WIPF1: variants seen among roughly 807,000 people sequenced by gnomAD.
WIPF1 encodes WAS/WASL interacting protein family member 1.
A neutral mutation model predicts 35.4 loss-of-function variants in WIPF1; 13 were observed. The ratio of observed to expected loss-of-function variants is 0.37; its 90% CI spans 0.24 to 0.58. WIPF1 has a LOEUF of 0.58. Among genes scored for constraint, WIPF1 ranks in the 20% least tolerant of loss-of-function variants. WIPF1 has a pLI of 0.74. For synonymous variants in WIPF1, 267 were observed against 266.3 expected, an observed-to-expected ratio of 1.00 and a Z score of -0.02; for missense variants, 591 against 667.0, an observed-to-expected ratio of 0.89 and a Z score of 1.25.
At chr2:174,634,770 G>C (rs73026180) in intron 1 of WIPF1, among the ~76,000 whole-genome samples, 2,023 of 152,300 alleles carry the variant, frequency 0.013, 60 homozygotes, top group African/African-American at 0.046. Context: ...AGGTAAAGAG[G>C]AGATAAGCCA....
At chr2:174,672,609 A>G (rs1254184970) in intron 1 of WIPF1, among the ~76,000 whole-genome samples, 1 of 152,260 alleles carries the variant, frequency 6.6e-6, no homozygotes, top group Non-Finnish European at 1.5e-5. Context: ...GTAAAATATC[A>G]GGCTTCGGCT....
At chr2:174,647,525 C>A (rs1045766608) in intron 1 of WIPF1, among the ~76,000 whole-genome samples, 1 of 151,970 alleles carries the variant, frequency 6.6e-6, no homozygotes, top group African/African-American at 2.4e-5. Context: ...AGGCGCGTGC[C>A]ACTATGCCTG....
chr2:174,629,204 C>T (rs756714137), intron 1 of WIPF1, among the ~76,000 whole-genome samples: 19 of 152,148 alleles, frequency 1.2e-4, no homozygotes, highest in East Asian at 3.9e-4. Context: ...AGATGGAGTT[C>T]GGCAACATAG....
intron 1 of WIPF1, among the ~76,000 whole-genome samples, chr2:174,659,316 G>A (rs536696045): frequency 6.6e-6 from 1 of 152,238 alleles, no homozygotes; most frequent in South Asian, 2.1e-4. Context: ...TCTGTTTCCT[G>A]TTTCCTGTTT....
chr2:174,651,875 C>T (rs544849506), intron 1 of WIPF1, among the ~76,000 whole-genome samples: 1 of 152,320 alleles, frequency 6.6e-6, no homozygotes, highest in East Asian at 1.9e-4. Context: ...TAGCTGGGGT[C>T]ACTTGATGAA....
chr2:174,642,633 C>T (rs574681523), intron 1 of WIPF1, among the ~76,000 whole-genome samples: 4 of 150,112 alleles, frequency 2.7e-5, no homozygotes, highest in South Asian at 4.2e-4. Context: ...AGGCATGAGC[C>T]GCCGCGCCCG....
At chr2:174,663,970 T>C (rs1284660512) in intron 1 of WIPF1, among the ~76,000 whole-genome samples, 1 of 152,198 alleles carries the variant, frequency 6.6e-6, no homozygotes, top group Non-Finnish European at 1.5e-5. Flanking sequence ...ATAAGGAAAC[T>C]GAGGCCCAAG....
At chr2:174,650,079 C>T (rs1255101072) in intron 1 of WIPF1, among the ~76,000 whole-genome samples, 2 of 152,164 alleles carry the variant, frequency 1.3e-5, no homozygotes, top group African/African-American at 4.8e-5. Context: ...GTTTTGTCAA[C>T]ACTTAAGGCA....
At chr2:174,612,771 T>C (rs773962325) in intron 1 of WIPF1, among the ~76,000 whole-genome samples, 1 of 138,850 alleles carries the variant, frequency 7.2e-6, no homozygotes, top group East Asian at 1.9e-4. Context: ...TGGTTTGTTA[T>C]CTGGATTTAA....
upstream of WIPF1, among the ~76,000 whole-genome samples, chr2:174,599,273 T>C (rs1685916281): frequency 6.6e-6 from 1 of 152,156 alleles, no homozygotes; most frequent in Non-Finnish European, 1.5e-5. Flanking sequence ...ATGGTGCTTA[T>C]GACAGTCCCA....
intron 1 of WIPF1, among the ~76,000 whole-genome samples, chr2:174,645,135 A>C (rs541352222): frequency 6.6e-6 from 1 of 152,344 alleles, no homozygotes; most frequent in South Asian, 2.1e-4. Context: ...GTGGTAAAAT[A>C]CCTTAAAAGA....
At chr2:174,667,783 G>A (rs1009083929) in intron 1 of WIPF1, among the ~76,000 whole-genome samples, 3 of 152,122 alleles carry the variant, frequency 2.0e-5, no homozygotes, top group Non-Finnish European at 4.4e-5. Flanking sequence ...ATTACTCTCC[G>A]CAGCAGGTTT....
intron 1 of WIPF1, among the ~76,000 whole-genome samples, chr2:174,678,336 A>C (rs1365345415): frequency 6.6e-6 from 1 of 152,224 alleles, no homozygotes; most frequent in Non-Finnish European, 1.5e-5. Flanking sequence ...CCTGCTTATC[A>C]AGGCTAACAA....
intron 4 of WIPF1, 141 bp downstream of exon 4, chr2:174,575,063 C>A (rs1685001731): frequency 2.0e-6 from 2 of 984,262 alleles, no homozygotes; most frequent in East Asian, 2.4e-5. Context: ...TAAATTGAGT[C>A]TCTTATAAAA....
chr2:174,622,022 G>A lies in WIPF1; in HGVS notation c.-38-36411C>T, dbSNP rs1298379071. On this transcript the variant is annotated intron_variant, in intron 1 of 8. Coordinates refer to the WIPF1 transcript ENST00000272746. The surrounding 1 kb of genome is among the most constrained non-coding windows in gnomAD (Gnocchi z 5.1). ...CCCACCCCACCCTCCCTTCTCAGAG[G>A]GAGTGCAAAGGGGCAGTGTTACATG... 6.6e-6 allele frequency among the ~76,000 whole-genome samples: 1 copy of A among 152,160 alleles called. No individual in the cohort carries two copies. Among genetic ancestry groups the A allele is most frequent in the Non-Finnish European group, 1.5e-5 (1 of 68,032 alleles).
chr2:174,582,395 G>T (rs1403748576), intron 2 of WIPF1, among the ~76,000 whole-genome samples: 1 of 152,184 alleles, frequency 6.6e-6, no homozygotes, highest in Non-Finnish European at 1.5e-5. Context: ...GGTCTTGTCT[G>T]TCTCAGGGAG....
intron 1 of WIPF1, among the ~76,000 whole-genome samples, chr2:174,653,353 T>C (rs914231625): frequency 1.3e-5 from 2 of 152,116 alleles, no homozygotes; most frequent in Non-Finnish European, 2.9e-5. Context: ...AATTTTGGGA[T>C]AGAAATGGAG....
At chr2:174,642,288 G>A (rs965837316) in intron 1 of WIPF1, among the ~76,000 whole-genome samples, 6 of 143,458 alleles carry the variant, frequency 4.2e-5, no homozygotes, top group African/African-American at 7.8e-5. Context: ...TTATTTTTAT[G>A]TTATTTTAAA....
chr2:174,607,451 A>G (rs1686206654), intron 1 of WIPF1, among the ~76,000 whole-genome samples: 1 of 152,208 alleles, frequency 6.6e-6, no homozygotes, highest in African/African-American at 2.4e-5. Context: ...ACATGGTTGC[A>G]TTCAGGATTA....
Sources: gnomAD v4.1 joint callset for allele counts (sites outside exome capture counted in the v4.1 genomes callset) on GRCh38, gnomAD v4.1.1 for gene constraint, Gnocchi (gnomAD v3.1) non-coding constraint, MANE v1.5 for transcripts, NCBI Gene and HGNC (gene_info 2026-07-23, HGNC 2026-07-21) for gene names.